Variants in BST1 observed in about 807,000 individuals in gnomAD.
BST1 encodes bone marrow stromal cell antigen 1.
In BST1, 49 loss-of-function variants were observed where a neutral mutation model predicts 40.6. That is an observed-to-expected ratio of 1.21 (90% CI 0.96 to 1.53). BST1 has a LOEUF of 1.53. Ranked by LOEUF, BST1 falls within the 40% of genes most tolerant of loss-of-function variation. BST1 has a pLI of 0.00. For missense variants in BST1, 423 were observed against 395.9 expected, an observed-to-expected ratio of 1.07 and a Z score of -0.58; for synonymous variants, 157 against 159.3, an observed-to-expected ratio of 0.99 and a Z score of 0.11.
chr4:15,733,746 C>A (rs1355025689), downstream of BST1, among the ~76,000 whole-genome samples: 1 of 152,180 alleles, frequency 6.6e-6, no homozygotes, highest in Non-Finnish European at 1.5e-5. Flanking sequence ...CATGAGACAG[C>A]ACTAGGTGAT....
At chr4:15,719,506 ATTT>A (rs940747906) in intron 7 of BST1, among the ~76,000 whole-genome samples, 1 of 152,060 alleles carries the variant, frequency 6.6e-6, no homozygotes, top group Non-Finnish European at 1.5e-5. Flanking sequence ...TTGCTTGGAC[ATTT>A]TTTTTTTAAA....
chr4:15,758,784 A>T, the BST1 span, among the ~76,000 whole-genome samples: 1 of 150,232 alleles, frequency 6.7e-6, no homozygotes, highest in African/African-American at 2.5e-5. Context: ...TTAAGTGAGA[A>T]TATGCAGTAT....
At chr4:15,741,210 T>C (rs1016182204), downstream of BST1, among the ~76,000 whole-genome samples, 3 of 152,112 alleles carry the variant, frequency 2.0e-5, no homozygotes, top group African/African-American at 7.2e-5. Flanking sequence ...ATGTAACAGC[T>C]GGATTGGCAG....
In BST1 at chr4:15,731,787, A is replaced by G; in HGVS notation, c.899A>G (p.Gln300Arg). The change falls in exon 9 of 9, where the codon CAA becomes CGA. Residue 300 changes from glutamine to arginine, a missense_variant. Coordinates refer to ENST00000265016, the MANE Select transcript of BST1 (RefSeq NM_004334.3). ...AAAGCCCCAAGTCTTTATACAGAAC[A>G]AAGGGCGGGTCTTATCATTCCCCTC... ...QRKAPSLYTE[Q>R]RAGLIIPLFL... 1 of 1,613,828 alleles carries G rather than the reference A, an allele frequency of 6.2e-7. No homozygotes were observed. The highest frequency in any genetic ancestry group is 1.3e-5 in the African/African-American group (1 of 75,040).
chr4:15,736,375 T>C (rs1721566305), downstream of BST1, among the ~76,000 whole-genome samples: 2 of 152,094 alleles, frequency 1.3e-5, no homozygotes. Context: ...ATTCCAGCAC[T>C]TTGTGAGGCC....
chr4:15,703,324 C>G lies in BST1; in HGVS notation c.180C>G (p.Pro60=), dbSNP rs566416270. The part of the protein sequence containing the change: ...RCAEYRALLS[P]EQRNKNCTAI... ...CCGAGTACCGCGCACTGCTGAGTCC[C>G]GAGCAGCGGTGAGGCAGTCGGCCGG... is the stretch of plus-strand genomic sequence containing the variant. Residue 60 remains proline, a synonymous_variant, in exon 1 of 9, where the codon CCC becomes CCG. Transcript: ENST00000265016. 63 of 1,505,854 alleles carry G rather than the reference C, an allele frequency of 4.2e-5. No individual in the cohort carries two copies. The South Asian group carries it at 7.4e-4, about 18-fold the overall frequency. 93.3% of individuals were successfully genotyped at this position (1,505,854 alleles called of 1,614,324 possible). A position where few individuals can be genotyped will look rare whatever the true frequency, so the allele number is the denominator to read the frequency against.
downstream of BST1, among the ~76,000 whole-genome samples, chr4:15,739,933 C>G (rs1179730210): frequency 6.6e-6 from 1 of 151,190 alleles, no homozygotes; most frequent in South Asian, 2.1e-4. Context: ...GAGAGAGAGA[C>G]AGACAGACAG....
In BST1 at chr4:15,715,690, C is replaced by A; in HGVS notation, c.612-17C>A. 1.3e-6 allele frequency: 2 copies of A among 1,530,722 alleles called. No homozygotes were observed. The highest frequency in any genetic ancestry group is 1.8e-6 in the Non-Finnish European group (2 of 1,120,012). 94.8% of individuals were successfully genotyped at this position (1,530,722 alleles called of 1,614,324 possible). ...AAGATATCATATTGCTTTAGGGCTT[C>A]AAGAAATGTTTCTCAGTTTTTTTGC... is the stretch of plus-strand genomic sequence containing the variant. On this transcript the variant is annotated splice_polypyrimidine_tract_variant and intron_variant, in intron 5 of 8. Coordinates refer to ENST00000265016, the MANE Select transcript of BST1 (RefSeq NM_004334.3).
chr4:15,754,377 A>G, the BST1 span, among the ~76,000 whole-genome samples: 1 of 152,204 alleles, frequency 6.6e-6, no homozygotes. Flanking sequence ...GTTCAGGAAC[A>G]TTGCAGAATT....
At chr4:15,768,787 C>T in the BST1 span, among the ~76,000 whole-genome samples, 1 of 152,044 alleles carries the variant, frequency 6.6e-6, no homozygotes, top group African/African-American at 2.4e-5. Flanking sequence ...TGAGCCACCG[C>T]GCCCGGCCGA....
the BST1 span, among the ~76,000 whole-genome samples, chr4:15,767,552 T>C: frequency 0.73 from 110,009 of 151,354 alleles, 40,553 homozygotes; most frequent in African/African-American, 0.81. Flanking sequence ...ATCTGCCCGT[T>C]TCGGCTTTCC....
At chr4:15,746,393 A>G in the BST1 span, among the ~76,000 whole-genome samples, 3 of 152,228 alleles carry the variant, frequency 2.0e-5, no homozygotes, top group Non-Finnish European at 4.4e-5. Context: ...ATTTGTAAAG[A>G]CAAGAAACAT....
chr4:15,755,656 A>G, the BST1 span, among the ~76,000 whole-genome samples: 2 of 152,222 alleles, frequency 1.3e-5, no homozygotes, highest in African/African-American at 4.8e-5. Context: ...AGCCCCAAAG[A>G]AAAAAGAAAT....
downstream of BST1, among the ~76,000 whole-genome samples, chr4:15,740,451 T>C (rs3893376): frequency 0.32 from 48,958 of 151,924 alleles, 9,135 homozygotes; most frequent in East Asian, 0.54. Flanking sequence ...CATAGTCTAG[T>C]ATCGGGAGAG....
At chr4:15,772,163 A>C in the BST1 span, among the ~76,000 whole-genome samples, 8,173 of 152,252 alleles carry the variant, frequency 0.054, 706 homozygotes, top group African/African-American at 0.18. Flanking sequence ...TGTCAGAAAC[A>C]AATAGCCTTT....
the BST1 span, among the ~76,000 whole-genome samples, chr4:15,752,879 GGC>G: frequency 1.3e-5 from 2 of 152,006 alleles, no homozygotes. Flanking sequence ...AGAGGCTTCT[GGC>G]CACTGCACAT....
the BST1 span, among the ~76,000 whole-genome samples, chr4:15,745,440 G>A: frequency 6.6e-6 from 1 of 152,122 alleles, no homozygotes; most frequent in Non-Finnish European, 1.5e-5. Context: ...TTTGAACAAA[G>A]TGTTTCACGT....
chr4:15,721,988 A>G (rs915028335), intron 7 of BST1, among the ~76,000 whole-genome samples: 1 of 151,838 alleles, frequency 6.6e-6, no homozygotes, highest in African/African-American at 2.4e-5. Context: ...CCCGTGTGCC[A>G]CCAAGACCTG....
In BST1 at chr4:15,718,973, C is replaced by T. The variant is rs1408232138; in HGVS notation, c.771C>T (p.Tyr257=). 1.2e-6 allele frequency: 2 copies of T among 1,613,996 alleles called. No homozygotes were observed. The highest frequency in any genetic ancestry group is 4.5e-5 in the East Asian group (2 of 44,884). ...EKRLKDMGFQ[Y]SCINDYRPVK... is the part of the protein sequence containing the mutation. ...GGCTGAAGGACATGGGGTTCCAGTA[C>T]AGCTGTATTAATGATTACCGGTAGG... The change falls in exon 7 of 9, where the codon TAC becomes TAT. Residue 257 remains tyrosine (Y), a synonymous_variant. Transcript: ENST00000265016.
Sources: gnomAD v4.1 joint callset for allele counts (sites outside exome capture counted in the v4.1 genomes callset) on GRCh38, gnomAD v4.1.1 for gene constraint, MANE v1.5 for transcripts, NCBI Gene and HGNC (gene_info 2026-07-23, HGNC 2026-07-21) for gene names.